The following PDE3B variants were observed in gnomAD, a reference collection of about 807,000 sequenced individuals.
PDE3B encodes cGMP-inhibited 3',5'-cyclic phosphodiesterase 3B.
A neutral mutation model predicts 116.8 loss-of-function variants in PDE3B; 66 were observed. The observed-to-expected ratio is 0.56, with a 90% CI of 0.46 to 0.69. PDE3B has a LOEUF of 0.69. PDE3B is among the 30% of genes least tolerant of loss of function. PDE3B has a pLI of 0.00. For missense variants in PDE3B, 1,384 were observed against 1,368.1 expected (o/e 1.01, Z -0.18); for synonymous variants, 595 against 533.6 (o/e 1.12, Z -1.59).
At chr11:14,845,492 T>A (rs1369146612) in intron 12 of PDE3B, among the ~76,000 whole-genome samples, 2 of 152,200 alleles carry the variant, frequency 1.3e-5, no homozygotes, top group Non-Finnish European at 2.9e-5. Context: ...GGACGGAGAA[T>A]GACTTTGACG....
At chr11:14,668,192 G>A (rs1199657572) in intron 1 of PDE3B, among the ~76,000 whole-genome samples, 1 of 152,062 alleles carries the variant, frequency 6.6e-6, no homozygotes, top group Non-Finnish European at 1.5e-5. Context: ...CTTTGAGCAT[G>A]ACACATCTTT....
At chr11:14,838,769 G>A (rs1419275409) in intron 11 of PDE3B, among the ~76,000 whole-genome samples, 1 of 152,192 alleles carries the variant, frequency 6.6e-6, no homozygotes, top group Non-Finnish European at 1.5e-5. Context: ...ACTTAAGGGT[G>A]TTAGACCAGG....
chr11:14,845,507 G>A (rs1346201722), intron 12 of PDE3B, among the ~76,000 whole-genome samples: 2 of 152,230 alleles, frequency 1.3e-5, no homozygotes, highest in Non-Finnish European at 2.9e-5. Flanking sequence ...TTGACGAGTT[G>A]AGAGAAGAAG....
intron 1 of PDE3B, among the ~76,000 whole-genome samples, chr11:14,743,704 G>C (rs1047389058): frequency 6.6e-6 from 1 of 152,202 alleles, no homozygotes; most frequent in Non-Finnish European, 1.5e-5. Context: ...GTACCAGAGG[G>C]ATTTTCCTGG....
chr11:14,885,982 A>C, the PDE3B span: 1 of 1,513,704 alleles, frequency 6.6e-7, no homozygotes, highest in Non-Finnish European at 9.2e-7. Context: ...AACCATGGAA[A>C]TCTACAAGTG....
chr11:14,684,957 CAT>C (rs1246328090), intron 1 of PDE3B, among the ~76,000 whole-genome samples: 19 of 152,066 alleles, frequency 1.2e-4, no homozygotes, highest in African/African-American at 2.7e-4. Context: ...TTCAAACACA[CAT>C]GTTTTATAAT....
intron 1 of PDE3B, among the ~76,000 whole-genome samples, chr11:14,723,811 A>G (rs1259356453): frequency 1.3e-5 from 2 of 152,106 alleles, no homozygotes; most frequent in Non-Finnish European, 2.9e-5. Context: ...GTTGAAGAGC[A>G]ATGGTATGCT....
intron 2 of PDE3B, chr11:14,772,593 A>G (rs1857677495): frequency 6.6e-6 from 1 of 151,988 alleles, no homozygotes; most frequent in Non-Finnish European, 1.5e-5. Context: ...CCAAAGATAA[A>G]TCCTATCCGA....
chr11:14,656,084 G>T (rs1316755403), intron 1 of PDE3B, among the ~76,000 whole-genome samples: 1 of 152,100 alleles, frequency 6.6e-6, no homozygotes, highest in African/African-American at 2.4e-5. Flanking sequence ...TTATATGAGA[G>T]ACTGAGAACA....
At chr11:14,811,625 C>CGATGTGGGT (rs1859134362) in intron 5 of PDE3B, among the ~76,000 whole-genome samples, 1 of 152,058 alleles carries the variant, frequency 6.6e-6, no homozygotes, top group East Asian at 1.9e-4. Flanking sequence ...GCGATGTGGG[C>CGATGTGGGT]TCTTTTTTGG....
intron 1 of PDE3B, among the ~76,000 whole-genome samples, chr11:14,653,090 A>G (rs1234956768): frequency 6.6e-6 from 1 of 152,202 alleles, no homozygotes; most frequent in African/African-American, 2.4e-5. Flanking sequence ...TATAGTATAT[A>G]ACTCTATGCA....
At chr11:14,882,198 C>G in the PDE3B span, among the ~76,000 whole-genome samples, 2 of 152,048 alleles carry the variant, frequency 1.3e-5, no homozygotes, top group African/African-American at 2.4e-5. Context: ...AGGAATGTAT[C>G]AGGGAACAAA....
the PDE3B span, chr11:14,885,814 G>A: frequency 1.9e-6 from 3 of 1,613,110 alleles, no homozygotes; most frequent in African/African-American, 2.7e-5. Context: ...AGGAAGGCAT[G>A]GTCTGTCTGC....
chr11:14,650,137 A>G (rs1334570979), intron 1 of PDE3B, among the ~76,000 whole-genome samples: 1 of 149,650 alleles, frequency 6.7e-6, no homozygotes, highest in Admixed American at 6.7e-5. Context: ...CTCCTCCTCC[A>G]TCTGCTACAG....
intron 1 of PDE3B, among the ~76,000 whole-genome samples, chr11:14,689,604 A>G (rs1206626454): frequency 6.6e-6 from 1 of 152,102 alleles, no homozygotes; most frequent in African/African-American, 2.4e-5. Context: ...AATTAAGGAC[A>G]CAGTGACTTT....
At position 14,820,217 on chromosome 11, in the gene PDE3B, A is replaced by T. The variant is rs987671420; in HGVS notation, c.1807+1008A>T. ...TCCAAAAAATAGAAGAGGAGGGAAC[A>T]CTTCCCAACTCATTCTTTTTTTTTT... On this transcript the variant is annotated intron_variant, in intron 7 of 15. Transcript: ENST00000282096. Among the ~76,000 whole-genome samples, 6 of 148,242 alleles carry T rather than the reference A, an allele frequency of 4.0e-5. No individual in the cohort carries two copies. In the Admixed American group the frequency reaches 4.2e-4, roughly 10 times the overall value.
At chr11:14,751,585 C>A (rs938972944) in intron 1 of PDE3B, among the ~76,000 whole-genome samples, 1 of 152,104 alleles carries the variant, frequency 6.6e-6, no homozygotes, top group Non-Finnish European at 1.5e-5. Flanking sequence ...AAAAGTCAAG[C>A]ATGAAACAAG....
chr11:14,832,410 G>C (rs1590180013), intron 9 of PDE3B, among the ~76,000 whole-genome samples: 1 of 152,236 alleles, frequency 6.6e-6, no homozygotes, highest in East Asian at 1.9e-4. Flanking sequence ...TAATACCCAG[G>C]ACTAGATTAG....
intron 14 of PDE3B, among the ~76,000 whole-genome samples, chr11:14,865,489 C>T (rs1451025777): frequency 1.3e-5 from 2 of 152,120 alleles, no homozygotes; most frequent in South Asian, 2.1e-4. Context: ...ACCTGGTATA[C>T]TTTGTTACTT....
Sources: gnomAD v4.1 joint callset for allele counts (sites outside exome capture counted in the v4.1 genomes callset) on GRCh38, gnomAD v4.1.1 for gene constraint, MANE v1.5 for transcripts, NCBI Gene and HGNC (gene_info 2026-07-23, HGNC 2026-07-21) for gene names.